The following COL6A3 variants were observed in gnomAD, a reference collection of about 807,000 sequenced individuals.
COL6A3 encodes collagen type VI alpha 3 chain.
Under a neutral mutation model 274.1 loss-of-function variants are expected in COL6A3, and 137 were observed. The observed-to-expected ratio is 0.50, with a 90% confidence interval of 0.44 to 0.58. The LOEUF (loss-of-function observed/expected upper bound fraction) is 0.58. Ranked by LOEUF, COL6A3 falls within the 20% of genes least tolerant of loss-of-function variation. The pLI is 0.00. For synonymous variants in COL6A3, 1,650 were observed against 1,650.6 expected (o/e 1.00, Z 0.01); for missense variants, 3,950 against 4,124.9 (o/e 0.96, Z 1.16).
At chr2:237,401,135 C>T (rs1483698518) in intron 1 of COL6A3, among the ~76,000 whole-genome samples, 2 of 152,140 alleles carry the variant, frequency 1.3e-5, no homozygotes, top group Non-Finnish European at 2.9e-5. Flanking sequence ...GATCTTTGAG[C>T]TTCAACAAAG....
In COL6A3 at chr2:237,378,694, A is replaced by T; in HGVS notation, c.2439T>A (p.Ile813=). 6.2e-7 allele frequency: 1 copy of T among 1,613,742 alleles called. No individual in the cohort carries two copies. The highest frequency in any genetic ancestry group is 8.5e-7 in the Non-Finnish European group (1 of 1,180,034). The change falls in exon 6 of 44, where the codon ATT becomes ATA. Residue 813 remains isoleucine, a synonymous_variant. Transcript: ENST00000295550. Reference sequence around the variant, plus strand: ...CACTAACATATGTGGTTAGGGGCTGAATCAGCTGCTGAGGCAAAGCTGGCA... The same window carrying T: ...CACTAACATATGTGGTTAGGGGCTGTATCAGCTGCTGAGGCAAAGCTGGCA... ...SSLPALPQQL[I]QPLTTYVSGG...
chr2:237,406,658 C>T (rs7564349), intron 1 of COL6A3, among the ~76,000 whole-genome samples: 9,583 of 151,186 alleles, frequency 0.063, 761 homozygotes, highest in African/African-American at 0.18. Context: ...TCTTTTTGCA[C>T]GAATCCTGGG....
In COL6A3 at chr2:237,344,160, G is replaced by T; in HGVS notation, c.7668+190C>A. 1.3e-6 allele frequency: 1 copy of T among 795,936 alleles called. No homozygotes were observed. The highest frequency in any genetic ancestry group is 2.2e-6 in the Non-Finnish European group (1 of 463,190). 49.3% of individuals were successfully genotyped at this position (795,936 alleles called of 1,614,324 possible). A position where few individuals can be genotyped will look rare whatever the true frequency, so the allele number is the denominator to read the frequency against. On this transcript the variant is annotated intron_variant, in intron 36 of 43. Coordinates refer to ENST00000295550, the MANE Select transcript of COL6A3 (RefSeq NM_004369.4). This position sits in a 1 kb window ranked among gnomAD's most constrained non-coding sequence, Gnocchi z 4.8. ...GGGGCAGTGCTACAAGCATGTAGGC[G>T]TCCCTGTAGTGCTGGAGCCACGAGG... is the stretch of plus-strand genomic sequence containing the variant.
At chr2:237,411,317 C>T (rs1047860125) in intron 1 of COL6A3, among the ~76,000 whole-genome samples, 2 of 152,220 alleles carry the variant, frequency 1.3e-5, no homozygotes, top group Non-Finnish European at 2.9e-5. Flanking sequence ...GTATTCACGA[C>T]TTGCCGGTGA....
At position 237,388,072 on chromosome 2, in the gene COL6A3, A is replaced by T; in HGVS notation, c.822T>A (p.Ile274=). Residue 274 remains isoleucine, a synonymous_variant, in exon 4 of 44, where the codon ATT becomes ATA. Coordinates refer to ENST00000295550, the MANE Select transcript of COL6A3 (RefSeq NM_004369.4). ...FLVNLLEKLP[I]GTQQIRVGVV... ...CCCCCACTCGGATCTGCTGAGTTCC[A>T]ATTGGGAGTTTCTCAAGGAGATTTA... 6.2e-7 allele frequency: 1 copy of T among 1,614,228 alleles called. No individual in the cohort carries two copies. The highest frequency in any genetic ancestry group is 8.5e-7 in the Non-Finnish European group (1 of 1,180,038).
chr2:237,390,732 A>G (rs2106382413), intron 3 of COL6A3, among the ~76,000 whole-genome samples: 1 of 152,342 alleles, frequency 6.6e-6, no homozygotes, highest in African/African-American at 2.4e-5. Flanking sequence ...ATTAAGAAAA[A>G]CAAGTTCCCA....
intron 42 of COL6A3, among the ~76,000 whole-genome samples, chr2:237,332,341 C>A (rs1700307402): frequency 6.6e-6 from 1 of 151,670 alleles, no homozygotes. Flanking sequence ...TAAAATTTTT[C>A]TATTTCCCAC....
At chr2:237,386,500 T>C (rs1434556320) in intron 4 of COL6A3, 4 of 152,252 alleles carry the variant, frequency 2.6e-5, no homozygotes, top group Non-Finnish European at 5.9e-5. Flanking sequence ...ATAAGAGTTG[T>C]AACAATGTGT....
At chr2:237,385,611 A>C (rs995379785) in intron 4 of COL6A3, among the ~76,000 whole-genome samples, 3 of 152,192 alleles carry the variant, frequency 2.0e-5, no homozygotes, top group African/African-American at 4.8e-5. Context: ...GGTGTCTGCA[A>C]AACATAGGGA....
rs114852262 is a variant in COL6A3, at chr2:237,374,805, G to C, written c.3286C>G (p.Arg1096Gly). 1.2e-6 allele frequency: 2 copies of C among 1,613,930 alleles called. No individual in the cohort carries two copies. Among genetic ancestry groups the C allele is most frequent in the African/African-American group, 2.7e-5 (2 of 74,880 alleles). ...GGCCCTCCCAGCAGGGTCAGCTGGC[G>C]GACAGCGTTGACGACGTCCTGCTTG... Reference protein sequence around the residue: ...MNKQDVVNAVRQLTLLGGPTP... With the variant: ...MNKQDVVNAVGQLTLLGGPTP... Residue 1096 changes from arginine (R) to glycine (G), a missense_variant, in exon 8 of 44, where the codon CGC becomes GGC. Arg to Gly is a moderately radical substitution (Grantham distance 125). Transcript: ENST00000295550. This position sits in a 1 kb window ranked among gnomAD's most constrained non-coding sequence, Gnocchi z 4.8.
intron 1 of COL6A3, among the ~76,000 whole-genome samples, chr2:237,399,548 T>C (rs527314286): frequency 6.6e-6 from 1 of 152,338 alleles, no homozygotes; most frequent in African/African-American, 2.4e-5. Flanking sequence ...AAAACAGGCA[T>C]TCCATGAGCA....
chr2:237,344,409 C>T lies in COL6A3; in HGVS notation c.7609G>A (p.Gly2537Arg), dbSNP rs1309784246. 1 of 1,614,156 alleles carries T rather than the reference C, an allele frequency of 6.2e-7. No homozygotes were observed. ...REAVLKLSDA[G>R]ITPLFLTRQE... ...CTTGTAAGGAACAAGGGGGTGATCC[C>T]CGCATCTGAGAGCTTGAGCACAGCC... is the stretch of plus-strand genomic sequence containing the variant. Residue 2537 changes from glycine to arginine, a missense_variant, in exon 36 of 44, where the codon GGG becomes AGG. Transcript: ENST00000295550. The surrounding 1 kb of genome is among the most constrained non-coding windows in gnomAD (Gnocchi z 4.8).
chr2:237,403,086 A>G (rs968985172), intron 1 of COL6A3, among the ~76,000 whole-genome samples: 13 of 152,190 alleles, frequency 8.5e-5, no homozygotes, highest in African/African-American at 3.1e-4. Context: ...AGGGAGAGCC[A>G]CAGAGAGTGA....
chr2:237,380,641 C>T (rs974648923), intron 5 of COL6A3, among the ~76,000 whole-genome samples: 6 of 152,208 alleles, frequency 3.9e-5, no homozygotes, highest in African/African-American at 1.2e-4. Context: ...TGAGATGTGA[C>T]CTCCTCGGCC....
intron 4 of COL6A3, 128 bp downstream of exon 4, chr2:237,387,454 G>A: frequency 7.2e-7 from 1 of 1,392,434 alleles, no homozygotes. Context: ...GCTCATCAGG[G>A]AAGGACTGGA....
In COL6A3 at chr2:237,348,445, T is replaced by C. The variant is rs981740719; in HGVS notation, c.6931-61A>G. The C allele has an allele frequency of 4.1e-6, 6 of 1,468,794 alleles. No individual in the cohort carries two copies. In the East Asian group the frequency reaches 6.9e-5, roughly 17 times the overall value. 91.0% of individuals were successfully genotyped at this position (1,468,794 alleles called of 1,614,324 possible). On this transcript the variant is annotated intron_variant, in intron 29 of 43. Coordinates refer to ENST00000295550, the MANE Select transcript of COL6A3 (RefSeq NM_004369.4). ...CTAATTTAAATTCATCTAAAATAAA[T>C]TGACCTTGAAAGAAAGAAATGTCTG... is the stretch of plus-strand genomic sequence containing the variant.
At position 237,379,232 on chromosome 2, in the gene COL6A3, T is replaced by C. The variant is rs1043996096; in HGVS notation, c.1901A>G (p.His634Arg). Residue 634 changes from histidine to arginine, a missense_variant, in exon 6 of 44, where the codon CAC becomes CGC. By Grantham distance (29) the His-to-Arg change is conservative. This residue lies in a region of COL6A3 where 1,934 missense variants were observed against 1,984.3 expected (regional missense o/e 0.97). Transcript: ENST00000295550. Reference sequence around the variant, plus strand: ...AAAGATGATATCCCTTTTGTTTGAGTGAACTGCAGTGAAGCACAGAAAAAA... The same window carrying C: ...AAAGATGATATCCCTTTTGTTTGAGCGAACTGCAGTGAAGCACAGAAAAAA... ...LRTLSGTPEV[H>R]SNKRDIIFLL... 1 of 1,614,078 alleles carries C rather than the reference T, an allele frequency of 6.2e-7. No individual in the cohort carries two copies. Among genetic ancestry groups the C allele is most frequent in the Non-Finnish European group, 8.5e-7 (1 of 1,179,998 alleles).
chr2:237,324,988 C>CG (rs2106298170), intron 43 of COL6A3, among the ~76,000 whole-genome samples, 174 bp from the exon 44 acceptor site: 1 of 152,268 alleles, frequency 6.6e-6, no homozygotes, highest in South Asian at 2.1e-4. Context: ...CCCTCTGTGA[C>CG]GTTCTTGGCC....
chr2:237,395,165 A>G lies in COL6A3; in HGVS notation c.131T>C (p.Val44Ala). 6.2e-7 allele frequency: 1 copy of G among 1,613,834 alleles called. No homozygotes were observed. The highest frequency in any genetic ancestry group is 8.5e-7 in the Non-Finnish European group (1 of 1,180,010). Reference protein sequence around the residue: ...NGAAADIIFLVDSSWTIGEEH... With the variant: ...NGAAADIIFLADSSWTIGEEH... The stretch of plus-strand genomic sequence containing the variant: ...CTCTCCAATGGTCCAAGAGGAATCC[A>G]CTAGAAATATTATATCAGCAGCCGC... Residue 44 changes from valine (V) to alanine (A), a missense_variant, in exon 3 of 44, where the codon GTG becomes GCG. Around this residue, in one of 5 missense-constraint regions of COL6A3, gnomAD observed 1,934 missense variants for 1,984.3 expected, o/e 0.97. Coordinates refer to ENST00000295550, the MANE Select transcript of COL6A3 (RefSeq NM_004369.4).
Sources: allele counts gnomAD v4.1 joint callset (sites outside exome capture counted in the v4.1 genomes callset), GRCh38; gene constraint gnomAD v4.1.1; regional missense constraint gnomAD v4.1.1; non-coding constraint Gnocchi (gnomAD v3.1); transcripts MANE v1.5; gene names NCBI Gene and HGNC (gene_info 2026-07-23, HGNC 2026-07-21).